The following FBN3 variants were observed in gnomAD, a reference collection of about 807,000 sequenced individuals.
FBN3 encodes fibrillin 3, also known as fibrillin-3.
A neutral mutation model predicts 330.1 loss-of-function variants in FBN3; 234 were observed. The observed-to-expected ratio is 0.71, with a 90% CI of 0.64 to 0.79. FBN3 has a LOEUF of 0.79. Among genes scored for constraint, FBN3 ranks in the 30% least tolerant of loss-of-function variants. FBN3 has a pLI of 0.00. For missense variants in FBN3, 3,606 were observed against 3,886.9 expected, an observed-to-expected ratio of 0.93 and a Z score of 1.92; for synonymous variants, 1,458 against 1,517.3, an observed-to-expected ratio of 0.96 and a Z score of 0.91.
chr19:8,147,614 A>G, intron 1 of FBN3, 117 bp from the exon 2 acceptor site: 1 of 835,224 alleles, frequency 1.2e-6, no homozygotes, highest in South Asian at 3.0e-5. Flanking sequence ...GGCCTCTGGG[A>G]GCCCAAGGAG....
At chr19:8,147,590 TG>T (rs2083582262) in intron 1 of FBN3, 93 bp from the exon 2 acceptor site, 3 of 1,157,728 alleles carry the variant, frequency 2.6e-6, no homozygotes, top group Non-Finnish European at 3.4e-6. Context: ...GGTTGCCAAA[TG>T]GGGCAGCCCC....
At chr19:8,085,147 TG>T (rs2081907272) in intron 56 of FBN3, among the ~76,000 whole-genome samples, 1 of 151,784 alleles carries the variant, frequency 6.6e-6, no homozygotes, top group Admixed American at 6.6e-5. Flanking sequence ...CTCACACAAC[TG>T]CTCCCTCAAC....
intron 47 of FBN3, among the ~76,000 whole-genome samples, chr19:8,093,912 G>A (rs1213267391): frequency 6.6e-6 from 1 of 152,174 alleles, no homozygotes; most frequent in East Asian, 1.9e-4. Context: ...GGCCAGACTG[G>A]TTCAGGTTAG....
In FBN3 at chr19:8,144,628, C is replaced by A. The variant is rs115699689; in HGVS notation, c.541+249G>T. Among the ~76,000 whole-genome samples the A allele has an allele frequency of 0.012, 1,873 of 151,852 alleles. 42 individuals carry two copies. The highest frequency in any genetic ancestry group is 0.04 in the African/African-American group (1,676 of 41,396). On this transcript the variant is annotated intron_variant, in intron 6 of 63. Coordinates refer to ENST00000600128, the MANE Select transcript of FBN3 (RefSeq NM_032447.5). The stretch of plus-strand genomic sequence containing the variant: ...TTCTGCTTGCAGTTTCTTCTCCCTG[C>A]CCCTCAGACTGGCACATCCTCTCTC...
At chr19:8,114,474 C>T (rs910133341) in intron 30 of FBN3, among the ~76,000 whole-genome samples, 3 of 152,130 alleles carry the variant, frequency 2.0e-5, no homozygotes, top group Non-Finnish European at 4.4e-5. Flanking sequence ...GTCTCAAACT[C>T]CTGACCTCAG....
At position 8,071,772 on chromosome 19, in the gene FBN3, C is replaced by T. The variant is rs371228791; in HGVS notation, c.8088+276G>A. ...GGGACCCATAGAAAGCATCACAGCC[C>T]GGCCAGGGTCTGTATGGAAGACGCC... On this transcript the variant is annotated intron_variant, in intron 63 of 63. Transcript: ENST00000600128. Among the ~76,000 whole-genome samples, 8 of 152,078 alleles carry T rather than the reference C, an allele frequency of 5.3e-5. No individual in the cohort carries two copies. In the East Asian group the frequency reaches 7.7e-4, roughly 15 times the overall value.
Position 8,109,355 on chromosome 19 carries a change from T to C in FBN3, c.4490A>G (p.His1497Arg), listed in dbSNP as rs1414397559. The C allele has an allele frequency of 3.7e-6, 6 of 1,614,138 alleles. No individual in the cohort carries two copies. The highest frequency in any genetic ancestry group is 1.1e-5 in the South Asian group (1 of 91,072). Residue 1497 changes from histidine (H) to arginine (R), a missense_variant, in exon 36 of 64, where the codon CAT becomes CGT. By Grantham distance (29) the His-to-Arg change is conservative (BLOSUM62 0). Transcript: ENST00000600128. The surrounding 1 kb of genome is among the most constrained non-coding windows in gnomAD (Gnocchi z 5.2). ...TRAGNCFLETHDRGDSGISCS... is the reference protein window; with the variant it reads ...TRAGNCFLETRDRGDSGISCS... ...GGAAATGCCACTGTCCCCTCGGTCA[T>C]GCGTCTCCAGGAAACAGTTCCCGGC...
chr19:8,141,573 T>C (rs956985629), intron 8 of FBN3, 144 bp downstream of exon 8: 1 of 891,382 alleles, frequency 1.1e-6, no homozygotes, highest in African/African-American at 1.7e-5. Context: ...GCTGAGACAC[T>C]CATTCACATC....
intron 30 of FBN3, 151 bp downstream of exon 30, chr19:8,115,364 C>CT: frequency 9.7e-7 from 1 of 1,035,316 alleles, no homozygotes; most frequent in Non-Finnish European, 1.4e-6. Flanking sequence ...GTATAGGACT[C>CT]TGTTCTTGCT....
In FBN3 at chr19:8,126,292, G is replaced by A. The variant is rs1009573027; in HGVS notation, c.2605+5C>T. On this transcript the variant is annotated splice_donor_5th_base_variant and intron_variant, in intron 21 of 63. Transcript: ENST00000600128. The stretch of plus-strand genomic sequence containing the variant: ...GGGGTGAGCTGGACACGGGCAGGCA[G>A]TTACCATCGCAGGTGACACCCGTCA... 17 of 1,585,832 alleles carry A rather than the reference G, an allele frequency of 1.1e-5. No individual in the cohort carries two copies. The African/African-American group carries it at 1.6e-4, about 15-fold the overall frequency.
chr19:8,126,684 G>T, intron 19 of FBN3, 29 bp downstream of exon 19: 1 of 1,583,532 alleles, frequency 6.3e-7, no homozygotes, highest in Non-Finnish European at 8.6e-7. Context: ...CCAGCCTCTG[G>T]AACGCCGTCG....
Position 8,066,041 on chromosome 19 carries a change from G to A in FBN3, c.8308C>T (p.Pro2770Ser). ...ACCACCTCCAGCCGGTAGGTTCCAG[G>A]CCCCGGCCGCCTCCGCCCCAGCTGC... ...SLQLGRRRPG[P>S]GTYRLEVVSH... The change falls in exon 64 of 64, where the codon CCT becomes TCT. Residue 2770 changes from proline (P) to serine (S), a missense_variant. Pro to Ser is a moderately conservative substitution (Grantham distance 74). Transcript: ENST00000600128. The A allele has an allele frequency of 6.2e-7, 1 of 1,613,140 alleles. No individual in the cohort carries two copies. The highest frequency in any genetic ancestry group is 8.5e-7 in the Non-Finnish European group (1 of 1,179,984).
intron 63 of FBN3, among the ~76,000 whole-genome samples, chr19:8,069,434 C>T (rs190852639): frequency 6.2e-4 from 94 of 152,222 alleles, no homozygotes; most frequent in Middle Eastern, 3.4e-3. Context: ...TACATGCCGA[C>T]GGAGTGTTTT....
chr19:8,140,440 G>A (rs1177013280), intron 8 of FBN3, among the ~76,000 whole-genome samples: 1 of 152,186 alleles, frequency 6.6e-6, no homozygotes, highest in Non-Finnish European at 1.5e-5. Context: ...CTCCAGCCTG[G>A]GGGACAGAGT....
At chr19:8,141,427 A>T (rs2145038849) in intron 8 of FBN3, among the ~76,000 whole-genome samples, 1 of 148,302 alleles carries the variant, frequency 6.7e-6, no homozygotes, top group South Asian at 2.2e-4. Context: ...TCTCCTACCC[A>T]CTCTCTCCCG....
chr19:8,087,854 G>A lies in FBN3; in HGVS notation c.6590C>T (p.Thr2197Ile). The change falls in exon 53 of 64, where the codon ACC becomes ATC. Residue 2197 changes from threonine (T) to isoleucine (I), a missense_variant. Transcript: ENST00000600128. ...SYLCTCPAGY[T>I]LREDGAMCRD... ...ACACATGGCCCCATCCTCCCGCAGG[G>A]TGTAGCCGGCTGGACAGGTGCACAG... 6.2e-7 allele frequency: 1 copy of A among 1,614,132 alleles called. No individual in the cohort carries two copies. The highest frequency in any genetic ancestry group is 8.5e-7 in the Non-Finnish European group (1 of 1,180,012).
intron 53 of FBN3, 28 bp downstream of exon 53, chr19:8,087,797 A>G (rs2082000136): frequency 6.3e-7 from 1 of 1,596,664 alleles, no homozygotes; most frequent in Middle Eastern, 1.7e-4. Flanking sequence ...TAGTAGAGAC[A>G]GGGTTTTACC....
At chr19:8,088,836 T>A (rs1028295801) in intron 51 of FBN3, among the ~76,000 whole-genome samples, 6 of 152,038 alleles carry the variant, frequency 3.9e-5, no homozygotes. Context: ...AGCAAGTGAA[T>A]GAATGAGGGA....
intron 47 of FBN3, among the ~76,000 whole-genome samples, chr19:8,093,505 C>T (rs973880863): frequency 3.3e-5 from 5 of 152,270 alleles, no homozygotes; most frequent in Middle Eastern, 6.8e-3. Context: ...CGCCTGTAGT[C>T]CCAGCTATTT....
Sources: allele counts gnomAD v4.1 joint callset (sites outside exome capture counted in the v4.1 genomes callset), GRCh38; gene constraint gnomAD v4.1.1; non-coding constraint Gnocchi (gnomAD v3.1); transcripts MANE v1.5; gene names NCBI Gene and HGNC (gene_info 2026-07-23, HGNC 2026-07-21).